Variants in MGAT4A observed in about 807,000 individuals in gnomAD.
The protein encoded by MGAT4A is alpha-1,3-mannosyl-glycoprotein 4-beta-N-acetylglucosaminyltransferase A, also known as N-acetylglucosaminyltransferase IVa.
A neutral mutation model predicts 74.1 loss-of-function variants in MGAT4A; 33 were observed. That is an observed-to-expected ratio of 0.45 (90% confidence interval 0.34 to 0.60). The LOEUF (loss-of-function observed/expected upper bound fraction) is 0.60, where lower values mean the gene tolerates loss of function less well. Among genes scored for constraint, MGAT4A ranks in the 20% least tolerant of loss-of-function variants. MGAT4A has a pLI of 0.02. For missense variants in MGAT4A, 479 were observed against 628.3 expected, an observed-to-expected ratio of 0.76 and a Z score of 2.54; for synonymous variants, 198 against 210.4, an observed-to-expected ratio of 0.94 and a Z score of 0.51.
At position 98,622,020 on chromosome 2, in the gene MGAT4A, G is replaced by A. The variant is rs1701067652; in HGVS notation, c.*3546C>T. On this transcript the variant is annotated 3_prime_UTR_variant, in exon 16 of 16. Coordinates refer to ENST00000393487, the MANE Select transcript of MGAT4A (RefSeq NM_012214.3). ...CCAAAGCTTTTCAATCACACTGTCT[G>A]TTCTGACTACACAGTATGGTACAGC... 1.0e-6 allele frequency: 1 copy of A among 987,136 alleles called. No individual in the cohort carries two copies. The highest frequency in any genetic ancestry group is 1.7e-5 in the African/African-American group (1 of 57,230). 61.1% of individuals were successfully genotyped at this position (987,136 alleles called of 1,614,324 possible).
intron 2 of MGAT4A, among the ~76,000 whole-genome samples, chr2:98,701,085 AT>A (rs1404546333): frequency 1.3e-5 from 2 of 152,210 alleles, no homozygotes; most frequent in African/African-American, 4.8e-5. Context: ...TATTATAAAA[AT>A]GGTCTTCACT....
chr2:98,712,096 T>A (rs1702525927), intron 2 of MGAT4A, among the ~76,000 whole-genome samples: 2 of 152,126 alleles, frequency 1.3e-5, no homozygotes. Flanking sequence ...TCCACTCTTC[T>A]CCATCCTTCG....
chr2:98,701,883 A>G lies in MGAT4A; in HGVS notation c.95-23412T>C, dbSNP rs79234732. ...GTTGTATGTGTATATTTACAGCTCA[A>G]AGAGTCCCAGGTGTGCTGGTGCCTA... On this transcript the variant is annotated intron_variant, in intron 2 of 15. Transcript: ENST00000393487. 4.5e-3 allele frequency among the ~76,000 whole-genome samples: 691 copies of G among 152,284 alleles called. 2 individuals carry two copies. Among genetic ancestry groups the G allele is most frequent in the Admixed American group, 7.1e-3 (108 of 15,290 alleles).
In MGAT4A at chr2:98,621,291, C is replaced by T; in HGVS notation, c.*4275G>A. The T allele has an allele frequency of 1.5e-6, 2 of 1,326,884 alleles. No individual in the cohort carries two copies. The highest frequency in any genetic ancestry group is 2.0e-6 in the Non-Finnish European group (2 of 1,001,488). 82.2% of individuals were successfully genotyped at this position (1,326,884 alleles called of 1,614,324 possible). On this transcript the variant is annotated 3_prime_UTR_variant, in exon 16 of 16. Transcript: ENST00000393487. Reference sequence around the variant, plus strand: ...TGGAGACTGGAGATGAATGCCTTTCCAAGCCTATGAATGAGCTTATGGGCT... The same window carrying T: ...TGGAGACTGGAGATGAATGCCTTTCTAAGCCTATGAATGAGCTTATGGGCT...
At chr2:98,696,295 T>C (rs1051038394) in intron 2 of MGAT4A, among the ~76,000 whole-genome samples, 5 of 152,258 alleles carry the variant, frequency 3.3e-5, no homozygotes, top group Non-Finnish European at 5.9e-5. Context: ...AGTATTAGAC[T>C]GAATGGAAAA....
chr2:98,680,040 C>CTTTTTTTTTTTT (rs778595164), intron 2 of MGAT4A, among the ~76,000 whole-genome samples: 3 of 131,054 alleles, frequency 2.3e-5, no homozygotes, highest in African/African-American at 2.8e-5. Flanking sequence ...CTTAGAAAGG[C>CTTTTTTTTTTTT]TTTTTTTTTT....
intron 5 of MGAT4A, among the ~76,000 whole-genome samples, chr2:98,662,771 C>G (rs990205547): frequency 6.6e-6 from 1 of 152,134 alleles, no homozygotes; most frequent in Non-Finnish European, 1.5e-5. Flanking sequence ...GTGCAAATCT[C>G]CAAATTTAAG....
At chr2:98,653,187 C>A (rs535045254) in intron 8 of MGAT4A, among the ~76,000 whole-genome samples, 6 of 143,706 alleles carry the variant, frequency 4.2e-5, no homozygotes, top group Non-Finnish European at 9.2e-5. Context: ...AAGTTTATAC[C>A]AGTAAACATT....
At chr2:98,714,370 A>C (rs1345450784) in intron 2 of MGAT4A, among the ~76,000 whole-genome samples, 2 of 152,136 alleles carry the variant, frequency 1.3e-5, no homozygotes, top group African/African-American at 2.4e-5. Context: ...TATAGGCATG[A>C]GCCACCGCAT....
rs542359422 is a variant in MGAT4A at position 98,644,220 on chromosome 2, C to T, written c.890-167G>A. Among the ~76,000 whole-genome samples the T allele has an allele frequency of 2.1e-3, 325 of 152,284 alleles. 1 individual carries two copies. The highest frequency in any genetic ancestry group is 3.9e-3 in the Non-Finnish European group (265 of 68,030). ...TTATCAAAATTAAACAAAGTTGCTT[C>T]GGCTAAACTTTCTCTTGAGCTGTCA... On this transcript the variant is annotated intron_variant, in intron 9 of 15. Coordinates refer to ENST00000393487, the MANE Select transcript of MGAT4A (RefSeq NM_012214.3).
intron 4 of MGAT4A, among the ~76,000 whole-genome samples, chr2:98,673,114 C>T (rs935823307): frequency 4.6e-5 from 7 of 151,934 alleles, no homozygotes; most frequent in East Asian, 1.9e-4. Context: ...CTGGGTGGTG[C>T]GCCGACAGTT....
chr2:98,631,314 T>C (rs1483720233), intron 14 of MGAT4A, among the ~76,000 whole-genome samples: 1 of 152,218 alleles, frequency 6.6e-6, no homozygotes, highest in Non-Finnish European at 1.5e-5. Context: ...GGGCCAGTCT[T>C]GGCGACATGC....
intron 14 of MGAT4A, among the ~76,000 whole-genome samples, chr2:98,628,238 G>A (rs546740086): frequency 3.9e-4 from 60 of 152,278 alleles, no homozygotes; most frequent in African/African-American, 1.4e-3. Flanking sequence ...TAATAACTGA[G>A]CAGTACCAGT....
chr2:98,689,214 C>G (rs926991799), intron 2 of MGAT4A, among the ~76,000 whole-genome samples: 1 of 151,950 alleles, frequency 6.6e-6, no homozygotes, highest in Non-Finnish European at 1.5e-5. Flanking sequence ...GTAACCTTTG[C>G]TGAAAACAAC....
chr2:98,669,749 G>A (rs983333104), intron 4 of MGAT4A, among the ~76,000 whole-genome samples: 3 of 152,144 alleles, frequency 2.0e-5, no homozygotes, highest in Non-Finnish European at 4.4e-5. Context: ...AGCCCATGGT[G>A]GGGGCTGCCC....
intron 1 of MGAT4A, among the ~76,000 whole-genome samples, chr2:98,730,559 G>A (rs1194440141): frequency 1.4e-5 from 2 of 142,358 alleles, no homozygotes; most frequent in African/African-American, 5.3e-5. Context: ...CCTGCCCCGC[G>A]GCCCCCGCGA....
chr2:98,729,610 C>A (rs145206645), intron 1 of MGAT4A, among the ~76,000 whole-genome samples: 2 of 152,352 alleles, frequency 1.3e-5, no homozygotes, highest in South Asian at 2.1e-4. Context: ...GAACTTTCAA[C>A]TCTAGACATC....
At chr2:98,678,589 T>C (rs939042591) in intron 2 of MGAT4A, 118 bp from the exon 3 acceptor site, 3 of 566,418 alleles carry the variant, frequency 5.3e-6, no homozygotes, top group East Asian at 3.4e-5. Flanking sequence ...AAAATATTCA[T>C]TGATACAGAA....
At chr2:98,683,837 A>T (rs1702095355) in intron 2 of MGAT4A, among the ~76,000 whole-genome samples, 1 of 152,330 alleles carries the variant, frequency 6.6e-6, no homozygotes, top group African/African-American at 2.4e-5. Flanking sequence ...GCTTAGAAAA[A>T]GTCCCTGGGG....
Sources: allele counts gnomAD v4.1 joint callset (sites outside exome capture counted in the v4.1 genomes callset), GRCh38; gene constraint gnomAD v4.1.1; transcripts MANE v1.5; gene names NCBI Gene and HGNC (gene_info 2026-07-23, HGNC 2026-07-21).